LAMA1: variants seen among roughly 807,000 people sequenced by gnomAD.
LAMA1 encodes the protein laminin subunit alpha-1.
A neutral mutation model predicts 348.7 loss-of-function variants in LAMA1; 219 were observed. That is an observed-to-expected ratio of 0.63 (90% CI 0.56 to 0.70). The LOEUF (loss-of-function observed/expected upper bound fraction) is 0.70. Among genes scored for constraint, LAMA1 ranks in the 30% least tolerant of loss-of-function variants. LAMA1 has a pLI of 0.00. For synonymous variants in LAMA1, 1,487 were observed against 1,491.0 expected (o/e 1.00, Z 0.06); for missense variants, 3,744 against 3,888.0 (o/e 0.96, Z 0.99).
chr18:7,065,077 C>A lies in LAMA1; in HGVS notation c.346-14141G>T, dbSNP rs578159842. On this transcript the variant is annotated intron_variant, in intron 3 of 62. Coordinates refer to ENST00000389658, the MANE Select transcript of LAMA1 (RefSeq NM_005559.4). ...TGAATCCTCGTCTCTACTAAAAATA[C>A]AAAAAATTAGCCAGGCATAGTGGCA... is the stretch of plus-strand genomic sequence containing the variant. Among the ~76,000 whole-genome samples, 3 of 151,810 alleles carry A rather than the reference C, an allele frequency of 2.0e-5. No individual in the cohort carries two copies. In the South Asian group the frequency reaches 6.3e-4, roughly 32 times the overall value.
In LAMA1 at chr18:6,976,096, G is replaced by T. The variant is rs771041332; in HGVS notation, c.6346-16C>A. On this transcript the variant is annotated splice_polypyrimidine_tract_variant and intron_variant, in intron 44 of 62. Transcript: ENST00000389658. ...CGACTTTAATCTGTAGAAGGAAAAT[G>T]AAAGTGTCCCCATCATTTAGTGACA... The T allele has an allele frequency of 2.5e-6, 4 of 1,613,956 alleles. No homozygotes were observed. In the East Asian group the frequency reaches 8.9e-5, roughly 36 times the overall value.
chr18:6,959,691 A>G, intron 53 of LAMA1, 199 bp from the exon 54 acceptor site: 2 of 613,878 alleles, frequency 3.3e-6, no homozygotes, highest in East Asian at 3.1e-5. Flanking sequence ...ATTCTGCATT[A>G]TGCTATTATT....
rs367596930 is a variant in LAMA1, at chr18:6,982,521, T to A, written c.5866A>T (p.Asn1956Tyr). 1 of 1,614,082 alleles carries A rather than the reference T, an allele frequency of 6.2e-7. No individual in the cohort carries two copies. Among genetic ancestry groups the A allele is most frequent in the Non-Finnish European group, 8.5e-7 (1 of 1,180,048 alleles). Residue 1956 changes from asparagine to tyrosine, a missense_variant, in exon 41 of 63, where the codon AAC becomes TAC. Coordinates refer to ENST00000389658, the MANE Select transcript of LAMA1 (RefSeq NM_005559.4). ...CCTGGAAGCTTCCTGCTGAGGTTGT[T>A]GCCTTCTTTTAGAAATCTGGAGCTG... Reference protein sequence around the residue: ...QRSSRFLKEGNNLSRKLPGIA... With the variant: ...QRSSRFLKEGYNLSRKLPGIA...
chr18:7,023,547 C>T (rs772732846), intron 18 of LAMA1, among the ~76,000 whole-genome samples, 172 bp from the exon 19 acceptor site: 1 of 152,126 alleles, frequency 6.6e-6, no homozygotes, highest in African/African-American at 2.4e-5. Context: ...CTTCACCTGT[C>T]GCGGTGAAGG....
chr18:7,094,690 T>A (rs2058253636), intron 1 of LAMA1, among the ~76,000 whole-genome samples: 1 of 152,318 alleles, frequency 6.6e-6, no homozygotes. Context: ...TTTGGCTTAC[T>A]GTTAAGAGGA....
chr18:7,098,367 C>G lies in LAMA1; in HGVS notation c.62-17910G>C, dbSNP rs1013882326. Among the ~76,000 whole-genome samples, 11 of 149,240 alleles carry G rather than the reference C, an allele frequency of 7.4e-5. No homozygotes were observed. In the East Asian group the frequency reaches 1.5e-3, roughly 20 times the overall value. On this transcript the variant is annotated intron_variant, in intron 1 of 62. Coordinates refer to ENST00000389658, the MANE Select transcript of LAMA1 (RefSeq NM_005559.4). ...GCTGCCCAGTCTGGAAAGTGAGGAG[C>G]GTCTCCGCCCGGCCGCCATCCCACC...
chr18:7,014,879 C>A (rs1057089157), intron 22 of LAMA1, among the ~76,000 whole-genome samples: 1 of 151,962 alleles, frequency 6.6e-6, no homozygotes, highest in Non-Finnish European at 1.5e-5. Context: ...CAGAGTCTTG[C>A]TCTGTTGCCC....
intron 1 of LAMA1, among the ~76,000 whole-genome samples, chr18:7,087,055 T>C (rs1391387327): frequency 2.0e-5 from 3 of 152,070 alleles, no homozygotes; most frequent in African/African-American, 7.2e-5. Flanking sequence ...GAGAGAAAAA[T>C]TATTATTCTT....
Position 6,959,476 on chromosome 18 carries a change from A to T in LAMA1, c.7643T>A (p.Met2548Lys), listed in dbSNP as rs762899482. Reference protein sequence around the residue: ...EEAHVPFFSVMLIGGNIEVHV... With the variant: ...EEAHVPFFSVKLIGGNIEVHV... The stretch of plus-strand genomic sequence containing the variant: ...TACCTCAATGTTGCCTCCGATCAGC[A>T]TGACGGAAAAGAAGGGCTGGGGAGG... Residue 2548 changes from methionine to lysine, a missense_variant, in exon 54 of 63, where the codon ATG (methionine) becomes AAG (lysine). Around this residue, in one of 3 missense-constraint regions of LAMA1, gnomAD observed 1,983 missense variants for 1,934.3 expected, o/e 1.03. Transcript: ENST00000389658. 1 of 1,614,216 alleles carries T rather than the reference A, an allele frequency of 6.2e-7. No individual in the cohort carries two copies. Among genetic ancestry groups the T allele is most frequent in the East Asian group, 2.2e-5 (1 of 44,880 alleles).
chr18:7,004,290 G>C (rs948584510), intron 29 of LAMA1, among the ~76,000 whole-genome samples: 1 of 152,170 alleles, frequency 6.6e-6, no homozygotes, highest in Non-Finnish European at 1.5e-5. Context: ...CCAGGACGAG[G>C]AGCTCCCAGG....
At chr18:7,010,814 A>G (rs769435453) in intron 25 of LAMA1, among the ~76,000 whole-genome samples, 1 of 152,102 alleles carries the variant, frequency 6.6e-6, no homozygotes, top group African/African-American at 2.4e-5. Context: ...TTTCCCCCCA[A>G]ATGAGTGATA....
At position 6,942,043 on chromosome 18, in the gene LAMA1, T is replaced by G. The variant is rs775704352; in HGVS notation, c.*36A>C. On this transcript the variant is annotated 3_prime_UTR_variant, in exon 63 of 63. Coordinates refer to ENST00000389658, the MANE Select transcript of LAMA1 (RefSeq NM_005559.4). ...CACACATACACTTCTCCTCAAAATA[T>G]TAGCAATGATTCCAACTGAGGATTC... 1.2e-6 allele frequency: 2 copies of G among 1,611,924 alleles called. No homozygotes were observed. The highest frequency in any genetic ancestry group is 2.2e-5 in the East Asian group (1 of 44,856).
Position 7,032,072 on chromosome 18 carries a change from A to G in LAMA1, c.2268T>C (p.Val756=), listed in dbSNP as rs995563551. Residue 756 remains valine, a synonymous_variant, in exon 16 of 63, where the codon GTT becomes GTC. Coordinates refer to ENST00000389658, the MANE Select transcript of LAMA1 (RefSeq NM_005559.4). ...ACTACAGTGAGAGACTCACAATGCA[A>G]ACGCCGTGAACATTACACTCAGCTG... ...GHAAECNVHG[V]CIACAHNTTG... The G allele has an allele frequency of 1.9e-6, 3 of 1,613,910 alleles. No individual in the cohort carries two copies. The highest frequency in any genetic ancestry group is 2.2e-5 in the East Asian group (1 of 44,872).
At chr18:7,066,008 CCTTCAGTGCA>C (rs2143755686) in intron 3 of LAMA1, among the ~76,000 whole-genome samples, 1 of 152,276 alleles carries the variant, frequency 6.6e-6, no homozygotes, top group South Asian at 2.1e-4. Context: ...GAAGTCTCTA[CCTTCAGTGCA>C]CTTTGGCAGC....
chr18:7,021,846 ATTATATTATATATATT>A lies in LAMA1; in HGVS notation c.2701+1302_2701+1317del, dbSNP rs1568034736. ...ATTATATAATATAATAATATATTAT[ATTATATTATATATATT>A]ATATATTAGAAAATATAATAATAAT... On this transcript the variant is annotated intron_variant, in intron 19 of 62. Transcript: ENST00000389658. Among the ~76,000 whole-genome samples the A allele has an allele frequency of 2.4e-3, 152 of 64,428 alleles. 1 individual carries two copies. Among genetic ancestry groups the A allele is most frequent in the African/African-American group, 0.014 (143 of 10,280 alleles). The allele number at this position is 64,428 out of a possible 152,430, so 42.3% of individuals were successfully genotyped here. A position where few individuals can be genotyped will look rare whatever the true frequency, so the allele number is the denominator to read the frequency against.
At chr18:7,115,631 A>T (rs2058352211) in intron 1 of LAMA1, among the ~76,000 whole-genome samples, 1 of 151,778 alleles carries the variant, frequency 6.6e-6, no homozygotes, top group South Asian at 2.1e-4. Flanking sequence ...CAACTTTACA[A>T]ATCATTCATG....
Position 7,038,914 on chromosome 18 carries a change from G to C in LAMA1, c.1459C>G (p.Pro487Ala). 2 of 1,613,884 alleles carry C rather than the reference G, an allele frequency of 1.2e-6. No individual in the cohort carries two copies. Among genetic ancestry groups the C allele is most frequent in the Admixed American group, 1.7e-5 (1 of 60,018 alleles). The change falls in exon 11 of 63, where the codon CCA becomes GCA. Residue 487 changes from proline to alanine, a missense_variant. Pro to Ala is a conservative substitution (Grantham distance 27, BLOSUM62 -1). Around this residue, in one of 3 missense-constraint regions of LAMA1, gnomAD observed 1,529 missense variants for 1,689.4 expected, o/e 0.91. Coordinates refer to ENST00000389658, the MANE Select transcript of LAMA1 (RefSeq NM_005559.4). ...TTTTCCTTCAAGTTATAGAATCCTG[G>C]CTTGCAGCGATCACAGGCCTTCCCC... ...VEGKACDRCK[P>A]GFYNLKEKNP...
intron 1 of LAMA1, among the ~76,000 whole-genome samples, chr18:7,096,099 T>C (rs1316963334): frequency 2.0e-5 from 3 of 152,130 alleles, no homozygotes; most frequent in Non-Finnish European, 4.4e-5. Flanking sequence ...GTATAGACTG[T>C]GGTATGGTAT....
rs144935456 is a variant in LAMA1 at position 7,044,342 on chromosome 18, T to C, written c.976+380A>G. On this transcript the variant is annotated intron_variant, in intron 7 of 62. Transcript: ENST00000389658. ...GCGAAGGAGGGAGATGAAGTGGAAG[T>C]CATGCTTTTAACTACATACTTTTAC... is the stretch of plus-strand genomic sequence containing the variant. Among the ~76,000 whole-genome samples the C allele has an allele frequency of 2.0e-4, 30 of 152,154 alleles. 1 individual carries two copies. The East Asian group carries it at 5.4e-3, about 27-fold the overall frequency.
Sources: gnomAD v4.1 joint callset for allele counts (sites outside exome capture counted in the v4.1 genomes callset) on GRCh38, gnomAD v4.1.1 for gene constraint, gnomAD v4.1.1 regional missense constraint, MANE v1.5 for transcripts, NCBI Gene and HGNC (gene_info 2026-07-23, HGNC 2026-07-21) for gene names.